The following TMPRSS15 variants were observed in gnomAD, a reference collection of about 807,000 sequenced individuals.
The protein encoded by TMPRSS15 is transmembrane serine protease 15.
A neutral mutation model predicts 125.3 loss-of-function variants in TMPRSS15; 128 were observed. The ratio of observed to expected loss-of-function variants is 1.02; its 90% CI spans 0.89 to 1.18. The LOEUF is 1.18. TMPRSS15 is among the 50% of genes most tolerant of loss of function. The pLI is 0.00. For missense variants in TMPRSS15, 1,283 were observed against 1,212.7 expected (o/e 1.06, Z -0.86); for synonymous variants, 446 against 423.2 (o/e 1.05, Z -0.66).
At chr21:18,475,834 G>A (rs1978870643) in intron 1 of TMPRSS15, among the ~76,000 whole-genome samples, 1 of 152,178 alleles carries the variant, frequency 6.6e-6, no homozygotes, top group South Asian at 2.1e-4. Context: ...CTTAAAGCTT[G>A]TAGTGCTTTG....
intron 3 of TMPRSS15, among the ~76,000 whole-genome samples, chr21:18,389,009 G>T (rs2075968766): frequency 6.6e-6 from 1 of 151,236 alleles, no homozygotes. Flanking sequence ...GCAGCTCCTG[G>T]GATTAAGATG....
At chr21:18,404,776 CT>C (rs1234816014), upstream of TMPRSS15, among the ~76,000 whole-genome samples, 1 of 152,056 alleles carries the variant, frequency 6.6e-6, no homozygotes, top group African/African-American at 2.4e-5. Context: ...AGCTGCTTTT[CT>C]TCTTCTTTAC....
Position 18,332,085 on chromosome 21 carries a change from G to A in TMPRSS15, c.1653C>T (p.Phe551=). 6.2e-7 allele frequency: 1 copy of A among 1,613,676 alleles called. No individual in the cohort carries two copies. Among genetic ancestry groups the A allele is most frequent in the Non-Finnish European group, 8.5e-7 (1 of 1,179,584 alleles). Residue 551 remains phenylalanine (F), a splice_region_variant and synonymous_variant, in exon 14 of 25, where the codon TTC becomes TTT. Coordinates refer to ENST00000284885, the MANE Select transcript of TMPRSS15 (RefSeq NM_002772.3). ...NFPNSYPNLA[F]CVWILNAQKG... is the part of the protein sequence containing the mutation. The stretch of plus-strand genomic sequence containing the variant: ...TGACCTGGAAAAGAAATGACTCACA[G>A]AAAGCCAGATTAGGGTAGCTGTTTG...
chr21:18,397,108 A>G (rs2076048179), intron 3 of TMPRSS15, among the ~76,000 whole-genome samples: 1 of 151,884 alleles, frequency 6.6e-6, no homozygotes, highest in Non-Finnish European at 1.5e-5. Flanking sequence ...TTATAAATTT[A>G]CATTTTTCTT....
chr21:18,435,356 G>T (rs1219355101), intron 1 of TMPRSS15, among the ~76,000 whole-genome samples: 1 of 152,082 alleles, frequency 6.6e-6, no homozygotes, highest in Non-Finnish European at 1.5e-5. Flanking sequence ...GTTGAATTTT[G>T]TCAAAGGCCT....
At position 18,365,135 on chromosome 21, in the gene TMPRSS15, AT is replaced by A. The variant is rs1390463674; in HGVS notation, c.773+4del. On this transcript the variant is annotated splice_donor_region_variant and intron_variant, in intron 7 of 24. Transcript: ENST00000284885. ...AAGAACAGAAAATATAAGATCTTGT[AT>A]TACCGTATGATCCACTGGCAGACAA... 2 of 1,609,436 alleles carry A rather than the reference AT, an allele frequency of 1.2e-6. No individual in the cohort carries two copies. The highest frequency in any genetic ancestry group is 2.7e-5 in the African/African-American group (2 of 74,982).
chr21:18,372,991 C>G (rs1234379246), intron 5 of TMPRSS15, among the ~76,000 whole-genome samples: 1 of 152,132 alleles, frequency 6.6e-6, no homozygotes, highest in East Asian at 1.9e-4. Context: ...AAGATAAAGA[C>G]TTTTAAAAAA....
chr21:18,275,387 T>A (rs368261115), intron 23 of TMPRSS15, 51 bp from the exon 24 acceptor site: 55 of 1,607,032 alleles, frequency 3.4e-5, no homozygotes, highest in Non-Finnish European at 4.6e-5. Flanking sequence ...TCAACATGCA[T>A]CCTTGAATGA....
chr21:18,408,958 TTGAG>T (rs1316897326), intron 1 of TMPRSS15, among the ~76,000 whole-genome samples: 1 of 152,070 alleles, frequency 6.6e-6, no homozygotes, highest in Non-Finnish European at 1.5e-5. Context: ...TCAATTTTAA[TTGAG>T]TATGTATCAT....
intron 3 of TMPRSS15, among the ~76,000 whole-genome samples, chr21:18,389,715 T>C (rs2075975471): frequency 6.6e-6 from 1 of 152,156 alleles, no homozygotes; most frequent in Non-Finnish European, 1.5e-5. Context: ...CATTTGACCT[T>C]CTGCCATTGT....
chr21:18,455,766 GTAA>G (rs1387089195), intron 1 of TMPRSS15, among the ~76,000 whole-genome samples: 1 of 152,134 alleles, frequency 6.6e-6, no homozygotes, highest in Non-Finnish European at 1.5e-5. Flanking sequence ...GGAAATATGT[GTAA>G]TAATTAACTC....
intron 6 of TMPRSS15, among the ~76,000 whole-genome samples, chr21:18,368,325 C>T (rs2075758766): frequency 6.6e-6 from 1 of 152,206 alleles, no homozygotes; most frequent in African/African-American, 2.4e-5. Flanking sequence ...AACCCTCTTT[C>T]AGTTCTTTCC....
chr21:18,299,866 A>T (rs1280183551), intron 18 of TMPRSS15, among the ~76,000 whole-genome samples: 1 of 152,196 alleles, frequency 6.6e-6, no homozygotes, highest in Non-Finnish European at 1.5e-5. Context: ...GGGTCCGGCT[A>T]TCTGTATTTC....
intron 16 of TMPRSS15, among the ~76,000 whole-genome samples, chr21:18,318,569 A>C (rs1445804504): frequency 6.6e-6 from 1 of 152,212 alleles, no homozygotes; most frequent in East Asian, 1.9e-4. Context: ...GTTGAGGGAT[A>C]AAAGAAGCTT....
chr21:18,291,406 G>C (rs1239268197), intron 21 of TMPRSS15, among the ~76,000 whole-genome samples: 1 of 152,182 alleles, frequency 6.6e-6, no homozygotes, highest in African/African-American at 2.4e-5. Flanking sequence ...AATCACTCAG[G>C]AGAACTTAGC....
upstream of TMPRSS15, among the ~76,000 whole-genome samples, chr21:18,406,438 C>T (rs1463698462): frequency 1.3e-5 from 2 of 151,958 alleles, no homozygotes; most frequent in Non-Finnish European, 2.9e-5. Context: ...GCTGCTATGG[C>T]TTACAAATAA....
chr21:18,481,623 C>CA (rs952987101), intron 1 of TMPRSS15, among the ~76,000 whole-genome samples: 1 of 151,508 alleles, frequency 6.6e-6, no homozygotes, highest in Non-Finnish European at 1.5e-5. Flanking sequence ...TTGAGATAAA[C>CA]AAAAAATCCA....
intron 1 of TMPRSS15, among the ~76,000 whole-genome samples, chr21:18,451,939 G>A (rs551766541): frequency 4.6e-5 from 7 of 152,090 alleles, no homozygotes; most frequent in Non-Finnish European, 8.8e-5. Flanking sequence ...GTATGCAAAT[G>A]CAAACTTATG....
chr21:18,448,006 C>T (rs967636068), intron 1 of TMPRSS15, among the ~76,000 whole-genome samples: 4 of 152,090 alleles, frequency 2.6e-5, no homozygotes, highest in Admixed American at 6.5e-5. Context: ...TTCTTATACA[C>T]TCTTGGTGAG....
Sources: gnomAD v4.1 joint callset for allele counts (sites outside exome capture counted in the v4.1 genomes callset) on GRCh38, gnomAD v4.1.1 for gene constraint, MANE v1.5 for transcripts, NCBI Gene and HGNC (gene_info 2026-07-23, HGNC 2026-07-21) for gene names.